Variants in MMP15 observed in about 807,000 individuals in gnomAD.
MMP15 encodes the protein matrix metalloproteinase-15.
Under a neutral mutation model 65.0 loss-of-function variants are expected in MMP15, and 36 were observed. The ratio of observed to expected loss-of-function variants is 0.55; its 90% confidence interval spans 0.42 to 0.73. The LOEUF (loss-of-function observed/expected upper bound fraction) is 0.73. Among genes scored for constraint, MMP15 ranks in the 30% least tolerant of loss-of-function variants. MMP15 has a pLI of 0.00. For synonymous variants in MMP15, 428 were observed against 410.2 expected, an observed-to-expected ratio of 1.04 and a Z score of -0.52; for missense variants, 870 against 987.8, an observed-to-expected ratio of 0.88 and a Z score of 1.60.
At position 58,040,685 on chromosome 16, in the gene MMP15, C is replaced by G; in HGVS notation, c.897C>G (p.Ile299Met). The G allele has an allele frequency of 6.2e-7, 1 of 1,614,174 alleles. No individual in the cohort carries two copies. The highest frequency in any genetic ancestry group is 8.5e-7 in the Non-Finnish European group (1 of 1,180,046). ...FKLPEDDLRGIQQLYGTPDGQ... is the reference protein window; with the variant it reads ...FKLPEDDLRGMQQLYGTPDGQ... ...TGCCCGAGGACGATCTCCGTGGCAT[C>G]CAGCAGCTCTACGGTGCGTGGGCTG... The change falls in exon 5 of 10, where the codon ATC becomes ATG. Residue 299 changes from isoleucine to methionine, a missense_variant. By Grantham distance (10) the Ile-to-Met change is conservative. Transcript: ENST00000219271.
intron 6 of MMP15, 61 bp downstream of exon 6, chr16:58,041,931 G>C: frequency 6.6e-7 from 1 of 1,511,416 alleles, no homozygotes. Context: ...TGGGCCCCCT[G>C]TCCCACCCTC....
intron 3 of MMP15, among the ~76,000 whole-genome samples, chr16:58,039,261 C>T (rs578009312): frequency 2.9e-4 from 44 of 152,304 alleles, no homozygotes; most frequent in African/African-American, 1.0e-3. Context: ...GGAAAAACCC[C>T]GTCTCTACTA....
chr16:58,026,971 A>G (rs886627721), intron 1 of MMP15, among the ~76,000 whole-genome samples: 2 of 152,208 alleles, frequency 1.3e-5, no homozygotes, highest in African/African-American at 2.4e-5. Context: ...CGGCTGGGCA[A>G]CTGCGCTCCT....
At chr16:58,041,413 A>G (rs1959448436) in intron 5 of MMP15, among the ~76,000 whole-genome samples, 1 of 152,020 alleles carries the variant, frequency 6.6e-6, no homozygotes, top group African/African-American at 2.4e-5. Context: ...ACAGTGACCC[A>G]AGGTCAGTGT....
Position 58,026,031 on chromosome 16 carries a change from C to G in MMP15, c.-320C>G, listed in dbSNP as rs1041613675. The stretch of plus-strand genomic sequence containing the variant: ...GGGACCGGGCGGCCGGAGCGCTGAG[C>G]CAGACAAAGGCTCCGGAGTTGCGCT... On this transcript the variant is annotated 5_prime_UTR_variant, in exon 1 of 10. Transcript: ENST00000219271. 2.9e-5 allele frequency: 6 copies of G among 208,806 alleles called. No homozygotes were observed. Among genetic ancestry groups the G allele is most frequent in the Non-Finnish European group, 5.7e-5 (6 of 105,406 alleles). The allele number at this position is 208,806 out of a possible 1,614,324, so 12.9% of individuals were successfully genotyped here.
Position 58,040,521 on chromosome 16 carries a change from C to G in MMP15, c.749-16C>G. ...GGCCACAGCTGACTGTGCTGCCCTC[C>G]TTCTCTCCCCAAAAGGAAACAACCT... On this transcript the variant is annotated splice_polypyrimidine_tract_variant and intron_variant, in intron 4 of 9. Transcript: ENST00000219271. The G allele has an allele frequency of 6.2e-7, 1 of 1,609,418 alleles. No individual in the cohort carries two copies. Among genetic ancestry groups the G allele is most frequent in the Non-Finnish European group, 8.5e-7 (1 of 1,179,234 alleles).
At chr16:58,038,233 C>G in intron 2 of MMP15, 33 bp from the exon 3 acceptor site, 1 of 1,608,976 alleles carries the variant, frequency 6.2e-7, no homozygotes, top group Non-Finnish European at 8.5e-7. Context: ...GGAGGGGAGG[C>G]TCCGTGCTCA....
chr16:58,029,792 A>G (rs1963870689), intron 1 of MMP15, among the ~76,000 whole-genome samples: 1 of 152,030 alleles, frequency 6.6e-6, no homozygotes, highest in African/African-American at 2.4e-5. Context: ...GAGGAGCAAC[A>G]TGGAAATACA....
At position 58,043,402 on chromosome 16, in the gene MMP15, T is replaced by G. The variant is rs199918707; in HGVS notation, c.1454+42T>G. On this transcript the variant is annotated intron_variant, in intron 8 of 9. Coordinates refer to ENST00000219271, the MANE Select transcript of MMP15 (RefSeq NM_002428.4). The stretch of plus-strand genomic sequence containing the variant: ...TCCCCTAAGGGGAGAAGGCCCCATC[T>G]AGGCCCCCCTCAACCTCAGGCCTAC... The G allele has an allele frequency of 1.0e-5, 16 of 1,593,846 alleles. No individual in the cohort carries two copies. The South Asian group carries it at 1.7e-4, about 17-fold the overall frequency.
At chr16:58,038,442 A>T (rs532035079) in intron 3 of MMP15, 48 bp downstream of exon 3, 18 of 1,608,538 alleles carry the variant, frequency 1.1e-5, no homozygotes, top group Non-Finnish European at 1.5e-5. Context: ...CGGCAGGCCG[A>T]GCCTCAGACC....
Position 58,041,883 on chromosome 16 carries a change from C to T in MMP15, c.1164+13C>T, listed in dbSNP as rs755101846. On this transcript the variant is annotated intron_variant, in intron 6 of 9. Transcript: ENST00000219271. The stretch of plus-strand genomic sequence containing the variant: ...GTTCGTGTTCAAGGTCTGGCCCCGC[C>T]TCCCATGCCTGGCCCTGAGCCTTTT... The T allele has an allele frequency of 3.2e-6, 5 of 1,564,860 alleles. No homozygotes were observed. Among genetic ancestry groups the T allele is most frequent in the East Asian group, 2.2e-5 (1 of 44,498 alleles).
rs980862763 is a variant in MMP15, at chr16:58,046,399, C to T, written c.*953C>T. The T allele has an allele frequency of 2.0e-5, 3 of 152,474 alleles. No individual in the cohort carries two copies. Among genetic ancestry groups the T allele is most frequent in the African/African-American group, 7.2e-5 (3 of 41,438 alleles). The allele number at this position is 152,474 out of a possible 1,614,324, so 9.4% of individuals were successfully genotyped here. A position where few individuals can be genotyped will look rare whatever the true frequency, so the allele number is the denominator to read the frequency against. The stretch of plus-strand genomic sequence containing the variant: ...CAGTGGATGGCCGTGAATGGGTGCC[C>T]ACAGTGTCAGGCACTGGGCATGAGG... On this transcript the variant is annotated 3_prime_UTR_variant, in exon 10 of 10. Coordinates refer to ENST00000219271, the MANE Select transcript of MMP15 (RefSeq NM_002428.4).
At position 58,042,323 on chromosome 16, in the gene MMP15, C is replaced by T. The variant is rs142582147; in HGVS notation, c.1257C>T (p.Ile419=). ...GHFWRGLPGD[I]SAAYERQDGR... ...TCTGGCGTGGTCTGCCCGGTGACATCAGTGCTGCCTACGAGCGCCAAGACG... is the reference window on the plus strand; with the variant it reads ...TCTGGCGTGGTCTGCCCGGTGACATTAGTGCTGCCTACGAGCGCCAAGACG... Residue 419 remains isoleucine, a synonymous_variant, in exon 7 of 10, where the codon ATC becomes ATT. Transcript: ENST00000219271. The T allele has an allele frequency of 1.9e-4, 299 of 1,614,266 alleles. 2 individuals are homozygous for T. The African/African-American group carries it at 3.6e-3, about 19-fold the overall frequency.
In MMP15 at chr16:58,037,529, CG is replaced by C; in HGVS notation, c.221del (p.Arg74LeufsTer33). ...GCCCAGCCGCCATATGTCCACCATG[CG>C]TTCCGCCCAGATCTTGGCCTCGGCC... is the stretch of plus-strand genomic sequence containing the variant. ...PQPSRHMSTM[R>X]SAQILASALA... On this transcript the variant is annotated frameshift_variant, in exon 2 of 10. Coordinates refer to ENST00000219271, the MANE Select transcript of MMP15 (RefSeq NM_002428.4). LOFTEE classifies it high-confidence loss of function. 6.2e-7 allele frequency: 1 copy of C among 1,614,186 alleles called. No homozygotes were observed. The highest frequency in any genetic ancestry group is 8.5e-7 in the Non-Finnish European group (1 of 1,180,036).
At position 58,038,182 on chromosome 16, in the gene MMP15, G is replaced by A. The variant is rs551518965; in HGVS notation, c.312-84G>A. On this transcript the variant is annotated intron_variant, in intron 2 of 9. Transcript: ENST00000219271. ...CATAGGAGGGGCGGCTGGGAAGCCC[G>A]GAAGTGGCGGAAGTGGCAGTGCCAG... 2.8e-4 allele frequency: 435 copies of A among 1,559,490 alleles called. 1 individual carries two copies. The African/African-American group carries it at 4.0e-3, about 14-fold the overall frequency.
At chr16:58,031,793 G>A (rs958400817) in intron 1 of MMP15, among the ~76,000 whole-genome samples, 5 of 149,878 alleles carry the variant, frequency 3.3e-5, no homozygotes, top group Non-Finnish European at 5.9e-5. Context: ...CTGAAATGTG[G>A]AACATGCTGC....
In MMP15 at chr16:58,026,198, T is replaced by C; in HGVS notation, c.-153T>C. On this transcript the variant is annotated 5_prime_UTR_variant, in exon 1 of 10. Transcript: ENST00000219271. The stretch of plus-strand genomic sequence containing the variant: ...CCCGCTTCTCCTCGGGCTTGGGAAT[T>C]TGCCGAGGCGACCTAGGCGGCTCCG... 1.2e-6 allele frequency: 1 copy of C among 836,282 alleles called. No individual in the cohort carries two copies. The highest frequency in any genetic ancestry group is 1.6e-6 in the Non-Finnish European group (1 of 628,526). 51.8% of individuals were successfully genotyped at this position (836,282 alleles called of 1,614,324 possible).
chr16:58,028,242 G>A (rs922887309), intron 1 of MMP15, among the ~76,000 whole-genome samples: 7 of 152,150 alleles, frequency 4.6e-5, no homozygotes, highest in Non-Finnish European at 7.4e-5. Context: ...GCTCGATGCC[G>A]CCAGGGAAGA....
chr16:58,036,965 G>A (rs1177752062), intron 1 of MMP15, among the ~76,000 whole-genome samples: 1 of 152,198 alleles, frequency 6.6e-6, no homozygotes, highest in South Asian at 2.1e-4. Flanking sequence ...GGGGGTGCAG[G>A]GTATAGCTGA....
Sources: allele counts gnomAD v4.1 joint callset (sites outside exome capture counted in the v4.1 genomes callset), GRCh38; gene constraint gnomAD v4.1.1; transcripts MANE v1.5; gene names NCBI Gene and HGNC (gene_info 2026-07-23, HGNC 2026-07-21).